ERC1: variants seen among roughly 807,000 people sequenced by gnomAD.
ERC1 encodes RAB6 interacting protein 2.
ERC1 carries 56 observed loss-of-function variants against 132.0 expected under a neutral mutation model. The observed-to-expected ratio is 0.42, with a 90% CI of 0.34 to 0.53. The LOEUF (loss-of-function observed/expected upper bound fraction) is 0.53, where lower values mean the gene tolerates loss of function less well. Ranked by LOEUF, ERC1 falls within the 20% of genes least tolerant of loss-of-function variation. The probability of loss-of-function intolerance (pLI) is 0.03; values close to 1 mark genes in which losing one functional copy is unlikely to be tolerated. For synonymous variants in ERC1, 478 were observed against 476.1 expected, an observed-to-expected ratio of 1.00 and a Z score of -0.05; for missense variants, 1,202 against 1,349.9, an observed-to-expected ratio of 0.89 and a Z score of 1.72.
intron 2 of ERC1, among the ~76,000 whole-genome samples, chr12:1,054,974 A>G (rs1399387985): frequency 6.6e-6 from 1 of 152,162 alleles, no homozygotes; most frequent in Non-Finnish European, 1.5e-5. Flanking sequence ...TAAGAGTAAA[A>G]TCACTTAAGC....
At chr12:1,048,111 A>T (rs1182971354) in intron 2 of ERC1, among the ~76,000 whole-genome samples, 1 of 152,138 alleles carries the variant, frequency 6.6e-6, no homozygotes, top group African/African-American at 2.4e-5. Flanking sequence ...GAGGGCGTTG[A>T]CTTTCTCAAA....
intron 7 of ERC1, among the ~76,000 whole-genome samples, chr12:1,126,372 GTCA>G: frequency 3.7e-5 from 1 of 27,310 alleles, no homozygotes; most frequent in East Asian, 0.013. Flanking sequence ...TGGAGAGATA[GTCA>G]GTCATAAACT....
intron 16 of ERC1, among the ~76,000 whole-genome samples, chr12:1,403,634 A>G (rs12815502): frequency 1.3e-5 from 2 of 152,192 alleles, no homozygotes; most frequent in African/African-American, 2.4e-5. Flanking sequence ...CGTGGATCAA[A>G]TAAGGAATCT....
intron 13 of ERC1, among the ~76,000 whole-genome samples, chr12:1,262,332 TGATA>T (rs2077194492): frequency 6.6e-6 from 1 of 152,224 alleles, no homozygotes; most frequent in Admixed American, 6.5e-5. Flanking sequence ...TTTGACTTTC[TGATA>T]GATCAACATT....
At chr12:1,300,907 TAAAAAC>T (rs1426681492) in intron 15 of ERC1, among the ~76,000 whole-genome samples, 6 of 152,100 alleles carry the variant, frequency 3.9e-5, no homozygotes, top group Non-Finnish European at 8.8e-5. Flanking sequence ...CTCAAAGACC[TAAAAAC>T]AAATACAGTT....
At chr12:1,034,203 A>G (rs2154154226) in intron 2 of ERC1, among the ~76,000 whole-genome samples, 1 of 152,276 alleles carries the variant, frequency 6.6e-6, no homozygotes, top group East Asian at 1.9e-4. Context: ...TGAATATTAT[A>G]CAATTTCAAA....
rs543823259 is a variant in ERC1 at position 1,262,463 on chromosome 12, T to C, written c.2488-571T>C. ...ACCGGTCACTTATATCCAGTTGTCA[T>C]TTTTGGTTTTCTCCTATGAGATTAT... On this transcript the variant is annotated intron_variant, in intron 13 of 18. Coordinates refer to ENST00000360905, the MANE Select transcript of ERC1 (RefSeq NM_178040.4). 1.1e-4 allele frequency among the ~76,000 whole-genome samples: 17 copies of C among 152,358 alleles called. No homozygotes were observed. The South Asian group carries it at 3.1e-3, about 28-fold the overall frequency.
chr12:1,311,219 C>T (rs2081281037), intron 15 of ERC1, among the ~76,000 whole-genome samples: 1 of 152,204 alleles, frequency 6.6e-6, no homozygotes, highest in Non-Finnish European at 1.5e-5. Context: ...CACTTAATTG[C>T]ACTGGCTTAG....
chr12:1,453,845 A>G (rs1471569211), intron 18 of ERC1, among the ~76,000 whole-genome samples: 4 of 152,180 alleles, frequency 2.6e-5, no homozygotes, highest in Non-Finnish European at 5.9e-5. Context: ...TAAATATAGT[A>G]TGATATTGTG....
At chr12:1,239,502 CACTTGAG>C (rs1437689343) in intron 13 of ERC1, among the ~76,000 whole-genome samples, 1 of 152,118 alleles carries the variant, frequency 6.6e-6, no homozygotes, top group Non-Finnish European at 1.5e-5. Flanking sequence ...GATGAAGGAT[CACTTGAG>C]ACCAGAGTTC....
intron 13 of ERC1, chr12:1,244,443 G>A (rs956914389): frequency 9.4e-5 from 38 of 404,218 alleles, no homozygotes; most frequent in South Asian, 6.8e-4. Flanking sequence ...GTATTTCTAC[G>A]TTAAGTATAA....
intron 12 of ERC1, among the ~76,000 whole-genome samples, chr12:1,235,888 G>A (rs540973003): frequency 2.0e-5 from 3 of 152,272 alleles, no homozygotes; most frequent in African/African-American, 7.2e-5. Flanking sequence ...AAAATGGCAA[G>A]AAGATGGAAA....
At chr12:1,118,881 T>G (rs1946742319) in intron 7 of ERC1, among the ~76,000 whole-genome samples, 6 of 152,266 alleles carry the variant, frequency 3.9e-5, no homozygotes. Flanking sequence ...CTTTCATTTT[T>G]ATTTTTAGAG....
chr12:1,471,205 G>A lies in ERC1; in HGVS notation c.3214-18888G>A, dbSNP rs187915520. 3.0e-3 allele frequency among the ~76,000 whole-genome samples: 462 copies of A among 152,240 alleles called. 1 individual carries two copies. The highest frequency in any genetic ancestry group is 5.2e-3 in the Non-Finnish European group (353 of 68,016). Reference sequence around the variant, plus strand: ...CTCAGGAGGCTGAGGCAGGAGGATCGTTTAAGGCCAAGAGTTCAAGACCCA... The same window carrying A: ...CTCAGGAGGCTGAGGCAGGAGGATCATTTAAGGCCAAGAGTTCAAGACCCA... On this transcript the variant is annotated intron_variant, in intron 18 of 18. Transcript: ENST00000360905.
chr12:1,134,906 T>C (rs1294394364), intron 7 of ERC1, among the ~76,000 whole-genome samples: 1 of 152,068 alleles, frequency 6.6e-6, no homozygotes, highest in African/African-American at 2.4e-5. Context: ...TTTTGTATTT[T>C]TAGTAGAGAC....
At chr12:1,249,472 G>A (rs754519852) in intron 13 of ERC1, among the ~76,000 whole-genome samples, 22 of 152,124 alleles carry the variant, frequency 1.4e-4, no homozygotes, top group Non-Finnish European at 2.8e-4. Context: ...ACCTTCTGTT[G>A]TAATTTCATT....
chr12:1,155,536 C>T (rs899616489), intron 8 of ERC1, among the ~76,000 whole-genome samples: 35 of 151,656 alleles, frequency 2.3e-4, no homozygotes, highest in African/African-American at 7.5e-4. Flanking sequence ...ATTGCAGTGG[C>T]GCCATCTCGG....
intron 1 of ERC1, among the ~76,000 whole-genome samples, chr12:1,024,409 C>A (rs1034381271): frequency 2.0e-5 from 3 of 152,018 alleles, no homozygotes; most frequent in Non-Finnish European, 2.9e-5. Flanking sequence ...CATCTCCCGC[C>A]TCTCCACCCC....
At chr12:1,243,897 T>C (rs1282393889) in intron 13 of ERC1, among the ~76,000 whole-genome samples, 5 of 152,226 alleles carry the variant, frequency 3.3e-5, no homozygotes, top group Admixed American at 1.3e-4. Context: ...TGAATAGCTT[T>C]GGAAACCTAA....
Sources: allele counts gnomAD v4.1 joint callset (sites outside exome capture counted in the v4.1 genomes callset), GRCh38; gene constraint gnomAD v4.1.1; transcripts MANE v1.5; gene names NCBI Gene and HGNC (gene_info 2026-07-23, HGNC 2026-07-21).